LRBA: variants seen among roughly 807,000 people sequenced by gnomAD.
LRBA encodes the protein lipopolysaccharide-responsive and beige-like anchor protein.
A neutral mutation model predicts 330.0 loss-of-function variants in LRBA; 176 were observed. That is an observed-to-expected ratio of 0.53 (90% CI 0.47 to 0.60). LRBA has a LOEUF of 0.60. Among genes scored for constraint, LRBA ranks in the 20% least tolerant of loss-of-function variants. The pLI is 0.00. For synonymous variants in LRBA, 1,230 were observed against 1,193.0 expected, an observed-to-expected ratio of 1.03 and a Z score of -0.64; for missense variants, 3,259 against 3,444.8, an observed-to-expected ratio of 0.95 and a Z score of 1.35.
At chr4:150,860,456 C>A (rs1751754879) in intron 22 of LRBA, among the ~76,000 whole-genome samples, 1 of 152,092 alleles carries the variant, frequency 6.6e-6, no homozygotes, top group Non-Finnish European at 1.5e-5. Context: ...AAAGTAGGCA[C>A]TAGAGACCTC....
At chr4:150,702,254 T>TA (rs1331895129) in intron 36 of LRBA, among the ~76,000 whole-genome samples, 14 of 152,170 alleles carry the variant, frequency 9.2e-5, no homozygotes, top group Admixed American at 2.0e-4. Flanking sequence ...AAAAATGAGA[T>TA]AATGGACAAA....
intron 34 of LRBA, among the ~76,000 whole-genome samples, chr4:150,793,998 CTAAGAT>C (rs1740389049): frequency 6.6e-6 from 1 of 152,050 alleles, no homozygotes; most frequent in Admixed American, 6.6e-5. Context: ...ATAATTGGTG[CTAAGAT>C]TAAGACAAAA....
intron 34 of LRBA, among the ~76,000 whole-genome samples, chr4:150,782,505 G>C (rs1738394638): frequency 6.6e-6 from 1 of 152,184 alleles, no homozygotes; most frequent in Non-Finnish European, 1.5e-5. Context: ...TCTGGTGGCT[G>C]TCAGCATTCC....
intron 36 of LRBA, among the ~76,000 whole-genome samples, chr4:150,693,833 T>C (rs570445254): frequency 7.9e-5 from 12 of 152,168 alleles, no homozygotes; most frequent in South Asian, 2.1e-4. Flanking sequence ...TTTTAAGAAA[T>C]AGGTTATAAA....
chr4:150,930,181 G>T (rs1214884098), intron 2 of LRBA, among the ~76,000 whole-genome samples: 1 of 152,100 alleles, frequency 6.6e-6, no homozygotes, highest in East Asian at 1.9e-4. Context: ...TGGGCGTGGT[G>T]GCATGCGCCT....
chr4:150,980,350 G>C lies in LRBA; in HGVS notation c.216+34077C>G, dbSNP rs1326298455. ...CCTCAACATAATAAAAGCCATATAT[G>C]ACAACCACAGATAGTATCATACTGA... On this transcript the variant is annotated intron_variant, in intron 2 of 56. Coordinates refer to ENST00000651943, the MANE Select transcript of LRBA (RefSeq NM_001364905.1). 2.0e-5 allele frequency among the ~76,000 whole-genome samples: 3 copies of C among 152,152 alleles called. No individual in the cohort carries two copies. In the East Asian group the frequency reaches 5.8e-4, roughly 29 times the overall value.
At chr4:150,784,816 CCCTGGTGTT>C (rs1214477762) in intron 34 of LRBA, among the ~76,000 whole-genome samples, 1 of 152,156 alleles carries the variant, frequency 6.6e-6, no homozygotes, top group African/African-American at 2.4e-5. Flanking sequence ...GGATCAAGAA[CCCTGGTGTT>C]CCTCCACTCA....
rs141752272 is a variant in LRBA, at chr4:150,961,654, T to A, written c.217-32589A>T. Among the ~76,000 whole-genome samples, 8 of 149,402 alleles carry A rather than the reference T, an allele frequency of 5.4e-5. 1 individual carries two copies. In the East Asian group the frequency reaches 1.2e-3, roughly 22 times the overall value. ...TCTAGGAAAAGTAAGCAAACAGGAA[T>A]AGCCAGGAAGCTGTGAAAAAGAAGT... is the stretch of plus-strand genomic sequence containing the variant. On this transcript the variant is annotated intron_variant, in intron 2 of 56. Coordinates refer to ENST00000651943, the MANE Select transcript of LRBA (RefSeq NM_001364905.1).
intron 22 of LRBA, 77 bp downstream of exon 22, chr4:150,867,594 G>C (rs931849713): frequency 8.3e-7 from 1 of 1,211,174 alleles, no homozygotes; most frequent in South Asian, 1.8e-5. Flanking sequence ...TTTAAGTATC[G>C]AAATTTTTTA....
Position 150,639,815 on chromosome 4 carries a change from GTGTGTATATATATATATATATA to G in LRBA, c.5922-40706_5922-40685del, listed in dbSNP as rs1561457971. On this transcript the variant is annotated intron_variant, in intron 37 of 56. Transcript: ENST00000651943. ...TGTATATATATATATATGTGTGTGT[GTGTGTATATATATATATATATA>G]TATATATATATATATATATATATAT... 3.5e-3 allele frequency among the ~76,000 whole-genome samples: 17 copies of G among 4,886 alleles called. 1 individual carries two copies. The highest frequency in any genetic ancestry group is 6.8e-3 in the Non-Finnish European group (12 of 1,762). The allele number at this position is 4,886 out of a possible 152,430, so 3.2% of individuals were successfully genotyped here.
At chr4:150,877,623 G>A (rs1335171023) in intron 17 of LRBA, among the ~76,000 whole-genome samples, 1 of 152,178 alleles carries the variant, frequency 6.6e-6, no homozygotes, top group Non-Finnish European at 1.5e-5. Context: ...GACATGCCAT[G>A]GAGGCAGAAA....
chr4:150,654,234 T>C (rs1399189735), intron 37 of LRBA, among the ~76,000 whole-genome samples: 2 of 152,212 alleles, frequency 1.3e-5, no homozygotes, highest in Admixed American at 1.3e-4. Context: ...TCACCCAGAA[T>C]GGAGTGCAGT....
chr4:150,966,548 G>A lies in LRBA; in HGVS notation c.217-37483C>T, dbSNP rs932712861. Reference sequence around the variant, plus strand: ...TCACCATGTTAGCCAGGATGATCTTGATCTCCCAACCTCGTGATCCGCCCG... The same window carrying A: ...TCACCATGTTAGCCAGGATGATCTTAATCTCCCAACCTCGTGATCCGCCCG... On this transcript the variant is annotated intron_variant, in intron 2 of 56. Transcript: ENST00000651943. 2.3e-5 allele frequency among the ~76,000 whole-genome samples: 3 copies of A among 131,882 alleles called. No homozygotes were observed. The Admixed American group carries it at 2.6e-4, about 11-fold the overall frequency. The allele number at this position is 131,882 out of a possible 152,430, so 86.5% of individuals were successfully genotyped here.
At chr4:150,698,830 T>C (rs993349157) in intron 36 of LRBA, among the ~76,000 whole-genome samples, 6 of 152,192 alleles carry the variant, frequency 3.9e-5, no homozygotes, top group African/African-American at 1.4e-4. Flanking sequence ...GCAGAAAATA[T>C]TGAGGCCTTT....
chr4:150,646,491 G>A (rs1199624087), intron 37 of LRBA, among the ~76,000 whole-genome samples: 2 of 152,014 alleles, frequency 1.3e-5, no homozygotes, highest in Admixed American at 1.3e-4. Context: ...GGCGGTTTTT[G>A]AAACGTTGGA....
At chr4:150,724,637 T>C (rs951229327) in intron 36 of LRBA, among the ~76,000 whole-genome samples, 2 of 152,028 alleles carry the variant, frequency 1.3e-5, no homozygotes, top group Admixed American at 6.6e-5. Context: ...ACTAAGATAG[T>C]TAATTCAAAA....
chr4:150,900,461 T>G (rs946049934), intron 13 of LRBA, among the ~76,000 whole-genome samples: 1 of 152,238 alleles, frequency 6.6e-6, no homozygotes, highest in South Asian at 2.1e-4. Context: ...TGGAAACTTT[T>G]TGCTGCATTA....
At chr4:150,792,053 A>G (rs969396727) in intron 34 of LRBA, among the ~76,000 whole-genome samples, 6 of 143,662 alleles carry the variant, frequency 4.2e-5, no homozygotes, top group Non-Finnish European at 9.3e-5. Flanking sequence ...AAAAAAAAAG[A>G]AGGCTTATTT....
intron 47 of LRBA, among the ~76,000 whole-genome samples, chr4:150,385,523 T>C (rs894530231): frequency 6.6e-6 from 1 of 150,544 alleles, no homozygotes; most frequent in Admixed American, 6.6e-5. Flanking sequence ...TTAAAGAGAG[T>C]AAGAGAAAAA....
Sources: gnomAD v4.1 joint callset for allele counts (sites outside exome capture counted in the v4.1 genomes callset) on GRCh38, gnomAD v4.1.1 for gene constraint, MANE v1.5 for transcripts, NCBI Gene and HGNC (gene_info 2026-07-23, HGNC 2026-07-21) for gene names.